Variants in MBOAT1 observed in about 807,000 individuals in gnomAD.
The protein encoded by MBOAT1 is membrane bound glycerophospholipid O-acyltransferase 1.
Under a neutral mutation model 64.4 loss-of-function variants are expected in MBOAT1, and 67 were observed. The observed-to-expected ratio is 1.04, with a 90% confidence interval of 0.85 to 1.27. The LOEUF (loss-of-function observed/expected upper bound fraction) is 1.27, where lower values mean the gene tolerates loss of function less well. Among genes scored for constraint, MBOAT1 ranks in the 50% most tolerant of loss-of-function variants. The pLI is 0.00. For synonymous variants in MBOAT1, 229 were observed against 218.9 expected (o/e 1.05, Z -0.41); for missense variants, 563 against 604.6 (o/e 0.93, Z 0.72).
At position 20,193,295 on chromosome 6, in the gene MBOAT1, C is replaced by G. The variant is rs150012947; in HGVS notation, c.99+18841G>C. 6.3e-4 allele frequency among the ~76,000 whole-genome samples: 96 copies of G among 152,014 alleles called. 1 individual carries two copies. The highest frequency in any genetic ancestry group is 2.3e-3 in the African/African-American group (94 of 41,490). On this transcript the variant is annotated intron_variant, in intron 1 of 12. Coordinates refer to ENST00000324607, the MANE Select transcript of MBOAT1 (RefSeq NM_001080480.3). ...TGCTGGGATTACAGGCGTGAGCCAC[C>G]GCGCCCGGCCTATAATTTCTTATAA... is the stretch of plus-strand genomic sequence containing the variant.
chr6:20,102,492 T>C, intron 12 of MBOAT1, 80 bp from the exon 13 acceptor site: 1 of 1,239,806 alleles, frequency 8.1e-7, no homozygotes, highest in Non-Finnish European at 1.1e-6. Flanking sequence ...TCACCTACAG[T>C]ATGACAAGTG....
At chr6:20,177,784 A>C (rs2113735938) in intron 1 of MBOAT1, among the ~76,000 whole-genome samples, 1 of 145,620 alleles carries the variant, frequency 6.9e-6, no homozygotes, top group African/African-American at 2.5e-5. Context: ...AAAAAAAAAA[A>C]AAAAAAACAA....
At chr6:20,205,140 A>C (rs2113775628) in intron 1 of MBOAT1, among the ~76,000 whole-genome samples, 1 of 152,242 alleles carries the variant, frequency 6.6e-6, no homozygotes, top group Admixed American at 6.5e-5. Flanking sequence ...TTGAGACTGC[A>C]GGGTGCCATG....
intron 1 of MBOAT1, among the ~76,000 whole-genome samples, chr6:20,184,286 C>A (rs1180781101): frequency 6.6e-6 from 1 of 152,132 alleles, no homozygotes; most frequent in Non-Finnish European, 1.5e-5. Flanking sequence ...GCCTGGCTGG[C>A]AAAGCTAGTA....
chr6:20,153,127 C>A (rs1761576947), intron 1 of MBOAT1, among the ~76,000 whole-genome samples: 1 of 152,216 alleles, frequency 6.6e-6, no homozygotes, highest in Non-Finnish European at 1.5e-5. Context: ...AGCCACCGCG[C>A]CCAGCCTTGC....
At chr6:20,188,779 T>C (rs1327915524) in intron 1 of MBOAT1, among the ~76,000 whole-genome samples, 1 of 152,148 alleles carries the variant, frequency 6.6e-6, no homozygotes, top group Non-Finnish European at 1.5e-5. Flanking sequence ...CCATTGTGGG[T>C]ATGTCTGGGC....
chr6:20,104,712 G>T (rs1416908440), intron 12 of MBOAT1, among the ~76,000 whole-genome samples: 1 of 152,158 alleles, frequency 6.6e-6, no homozygotes, highest in Non-Finnish European at 1.5e-5. Context: ...TGATTACAAG[G>T]TCAGGCACAT....
At position 20,109,494 on chromosome 6, in the gene MBOAT1, T is replaced by A; in HGVS notation, c.1361+104A>T. The A allele has an allele frequency of 7.3e-6, 10 of 1,367,406 alleles. No individual in the cohort carries two copies. In the South Asian group the frequency reaches 1.3e-4, roughly 17 times the overall value. 84.7% of individuals were successfully genotyped at this position (1,367,406 alleles called of 1,614,324 possible). ...ACACTTCCCACACTGAAGCCCCAGT[T>A]AGAAGTGTTTAGGACTGCTTCATTC... On this transcript the variant is annotated intron_variant, in intron 12 of 12. Transcript: ENST00000324607.
intron 3 of MBOAT1, among the ~76,000 whole-genome samples, chr6:20,149,860 T>C (rs971572557): frequency 6.6e-6 from 1 of 152,228 alleles, no homozygotes; most frequent in African/African-American, 2.4e-5. Flanking sequence ...ATCAAATGGC[T>C]TTCTGAAGCT....
rs148237035 is a variant in MBOAT1 at position 20,129,694 on chromosome 6, T to C, written c.476-941A>G. ...AAAAAGAAAAAAGAAGCAGTGTTTT[T>C]AAAAACTCATTTTTATAAGATCTCA... On this transcript the variant is annotated intron_variant, in intron 5 of 12. Coordinates refer to ENST00000324607, the MANE Select transcript of MBOAT1 (RefSeq NM_001080480.3). Among the ~76,000 whole-genome samples, 668 of 152,342 alleles carry C rather than the reference T, an allele frequency of 4.4e-3. 1 individual carries two copies. Among genetic ancestry groups the C allele is most frequent in the African/African-American group, 0.015 (624 of 41,582 alleles).
chr6:20,202,437 A>C (rs966111199), intron 1 of MBOAT1, among the ~76,000 whole-genome samples: 1 of 152,186 alleles, frequency 6.6e-6, no homozygotes, highest in African/African-American at 2.4e-5. Context: ...TCAGCCCAGA[A>C]ACCTTCATTC....
Position 20,134,970 on chromosome 6 carries a change from G to C in MBOAT1, c.420-3771C>G, listed in dbSNP as rs576081131. Among the ~76,000 whole-genome samples the C allele has an allele frequency of 2.2e-5, 3 of 136,654 alleles. No individual in the cohort carries two copies. The East Asian group carries it at 6.4e-4, about 29-fold the overall frequency. The allele number at this position is 136,654 out of a possible 152,430, so 89.7% of individuals were successfully genotyped here. A position where few individuals can be genotyped will look rare whatever the true frequency, so the allele number is the denominator to read the frequency against. ...TACAGGAGAACATACTAAAAGCACA[G>C]GAAGGACAAAAAAAGGAGGAGATCC... On this transcript the variant is annotated intron_variant, in intron 4 of 12. Transcript: ENST00000324607.
intron 1 of MBOAT1, among the ~76,000 whole-genome samples, chr6:20,175,159 A>T (rs1191430388): frequency 6.6e-6 from 1 of 152,188 alleles, no homozygotes; most frequent in East Asian, 1.9e-4. Flanking sequence ...AAAAAAATTT[A>T]ATTACTAAAA....
chr6:20,165,726 G>A (rs1761998282), intron 1 of MBOAT1, among the ~76,000 whole-genome samples: 1 of 142,056 alleles, frequency 7.0e-6, no homozygotes, highest in Admixed American at 7.3e-5. Flanking sequence ...CTGAGCAACA[G>A]AGCAAGACTC....
rs1244703112 is a variant in MBOAT1, at chr6:20,168,599, G to GAGAAGAGA, written c.100-15831_100-15830insTCTCTTCT. ...AGAGAAAGAGAGAGAGGGAGAGAAA[G>GAGAAGAGA]AGAGAAGAGAAGAGAAGAGAAGAGA... On this transcript the variant is annotated intron_variant, in intron 1 of 12. Transcript: ENST00000324607. Among the ~76,000 whole-genome samples the GAGAAGAGA allele has an allele frequency of 3.3e-4, 28 of 84,724 alleles. 2 individuals carry two copies. Among genetic ancestry groups the GAGAAGAGA allele is most frequent in the Non-Finnish European group, 4.5e-4 (20 of 44,232 alleles). The allele number at this position is 84,724 out of a possible 152,430, so 55.6% of individuals were successfully genotyped here.
rs557421959 is a variant in MBOAT1, at chr6:20,199,501, A to AAAAC, written c.99+12631_99+12634dup. On this transcript the variant is annotated intron_variant, in intron 1 of 12. Transcript: ENST00000324607. ...TAACTCAACAAGACTGAAAGTACCA[A>AAAAC]AAACAAACAAACAAACAAAAAACTT... Among the ~76,000 whole-genome samples, 256 of 152,358 alleles carry AAAAC rather than the reference A, an allele frequency of 1.7e-3. 1 individual carries two copies. Among genetic ancestry groups the AAAAC allele is most frequent in the African/African-American group, 5.9e-3 (247 of 41,584 alleles).
chr6:20,194,124 A>T (rs78504546), intron 1 of MBOAT1, among the ~76,000 whole-genome samples: 258 of 2,624 alleles, frequency 0.098, no homozygotes, highest in African/African-American at 0.28. Flanking sequence ...CCAGTGATCC[A>T]AAAAAAAAAG....
intron 10 of MBOAT1, among the ~76,000 whole-genome samples, chr6:20,113,270 T>C (rs888472927): frequency 6.6e-6 from 1 of 152,242 alleles, no homozygotes; most frequent in Non-Finnish European, 1.5e-5. Context: ...CTAAATGATC[T>C]GGACCCATCA....
intron 1 of MBOAT1, among the ~76,000 whole-genome samples, chr6:20,188,497 G>A (rs2113752485): frequency 6.6e-6 from 1 of 152,264 alleles, no homozygotes; most frequent in South Asian, 2.1e-4. Context: ...AAGGAGTGTG[G>A]ACACAAAGGG....
Sources: allele counts gnomAD v4.1 joint callset (sites outside exome capture counted in the v4.1 genomes callset), GRCh38; gene constraint gnomAD v4.1.1; transcripts MANE v1.5; gene names NCBI Gene and HGNC (gene_info 2026-07-23, HGNC 2026-07-21).